Variants in ATP2B2 observed in about 807,000 individuals in gnomAD.
ATP2B2 encodes the protein ATPase plasma membrane Ca2+ transporting 2, also known as plasma membrane calcium-transporting ATPase 2.
Under a neutral mutation model 120.0 loss-of-function variants are expected in ATP2B2, and 15 were observed. The ratio of observed to expected loss-of-function variants is 0.12; its 90% CI spans 0.08 to 0.19. The LOEUF is 0.19. Ranked by LOEUF, ATP2B2 falls within the 10% of genes least tolerant of loss-of-function variation. The pLI, the probability that ATP2B2 is intolerant of heterozygous loss-of-function variation, is 1.00. For synonymous variants in ATP2B2, 694 were observed against 700.3 expected, an observed-to-expected ratio of 0.99 and a Z score of 0.14; for missense variants, 1,045 against 1,719.8, an observed-to-expected ratio of 0.61 and a Z score of 6.94.
At chr3:10,580,643 C>T (rs2068368411) in intron 2 of ATP2B2, among the ~76,000 whole-genome samples, 1 of 152,154 alleles carries the variant, frequency 6.6e-6, no homozygotes, top group Admixed American at 6.5e-5. Context: ...CCTCCCCCTC[C>T]CTGTCTCCCT....
chr3:10,518,989 T>A (rs1445598029), intron 3 of ATP2B2, among the ~76,000 whole-genome samples: 1 of 152,228 alleles, frequency 6.6e-6, no homozygotes, highest in Non-Finnish European at 1.5e-5. Flanking sequence ...ATAACTAATG[T>A]TCATGGAACA....
intron 1 of ATP2B2, among the ~76,000 whole-genome samples, chr3:10,694,636 C>T (rs1295457785): frequency 6.6e-6 from 1 of 152,112 alleles, no homozygotes; most frequent in Non-Finnish European, 1.5e-5. Flanking sequence ...GTATATGGCA[C>T]CTATTTCTTC....
chr3:10,474,316 G>A (rs2065125518), intron 1 of ATP2B2, among the ~76,000 whole-genome samples: 1 of 152,182 alleles, frequency 6.6e-6, no homozygotes, highest in Non-Finnish European at 1.5e-5. Context: ...CTTGTGAGAC[G>A]TCCAAGTAGA....
chr3:10,552,017 T>A (rs1413466376), intron 2 of ATP2B2, among the ~76,000 whole-genome samples: 3 of 152,240 alleles, frequency 2.0e-5, no homozygotes, highest in African/African-American at 7.2e-5. Context: ...GGGCTTTCTG[T>A]AACACTGATT....
At chr3:10,697,098 C>T (rs1461527655) in intron 1 of ATP2B2, among the ~76,000 whole-genome samples, 1 of 152,172 alleles carries the variant, frequency 6.6e-6, no homozygotes, top group Non-Finnish European at 1.5e-5. Flanking sequence ...GATTCGATGC[C>T]AAAGACCATG....
intron 1 of ATP2B2, among the ~76,000 whole-genome samples, chr3:10,704,895 A>T (rs899349281): frequency 5.9e-5 from 9 of 152,206 alleles, no homozygotes; most frequent in Admixed American, 3.9e-4. Context: ...ATGCAATTTA[A>T]CACAAAGAAA....
At chr3:10,639,162 T>C (rs561810814) in intron 1 of ATP2B2, among the ~76,000 whole-genome samples, 2 of 152,202 alleles carry the variant, frequency 1.3e-5, no homozygotes, top group East Asian at 3.9e-4. Context: ...TTGGGCTTCA[T>C]CAAAATTTAA....
intron 2 of ATP2B2, among the ~76,000 whole-genome samples, chr3:10,578,661 G>A (rs2068312020): frequency 6.6e-6 from 1 of 152,016 alleles, no homozygotes; most frequent in African/African-American, 2.4e-5. Context: ...CAACCCAAAT[G>A]CCCACCCACA....
chr3:10,484,402 C>T (rs951636500), intron 1 of ATP2B2, among the ~76,000 whole-genome samples: 2 of 152,150 alleles, frequency 1.3e-5, no homozygotes, highest in Non-Finnish European at 2.9e-5. Flanking sequence ...GAGGGGTCTG[C>T]ATGCAGGTGA....
chr3:10,328,729 G>C lies in ATP2B2; in HGVS notation c.*85C>G. The C allele has an allele frequency of 7.1e-7, 1 of 1,399,226 alleles. No homozygotes were observed. Among genetic ancestry groups the C allele is most frequent in the Non-Finnish European group, 9.7e-7 (1 of 1,029,830 alleles). 86.7% of individuals were successfully genotyped at this position (1,399,226 alleles called of 1,614,324 possible). ...TTGTTGCTCGTTGCTGCTTGGGTGA[G>C]TTGGGTGCCTGGATGGATGGGTGCC... On this transcript the variant is annotated 3_prime_UTR_variant, in exon 23 of 23. Coordinates refer to ENST00000360273, the MANE Select transcript of ATP2B2 (RefSeq NM_001001331.4).
intron 11 of ATP2B2, 109 bp from the exon 12 acceptor site, chr3:10,372,160 G>C (rs2061262146): frequency 1.4e-6 from 2 of 1,477,302 alleles, no homozygotes; most frequent in Non-Finnish European, 1.9e-6. Context: ...AGCCACCACA[G>C]CCTGCCCCTT....
intron 3 of ATP2B2, among the ~76,000 whole-genome samples, chr3:10,517,136 T>G (rs996673866): frequency 2.0e-5 from 3 of 152,248 alleles, no homozygotes; most frequent in Non-Finnish European, 4.4e-5. Context: ...AGCCTTTTGA[T>G]TCACTGCCTC....
At chr3:10,572,313 G>A (rs553188747) in intron 2 of ATP2B2, among the ~76,000 whole-genome samples, 16 of 152,248 alleles carry the variant, frequency 1.1e-4, no homozygotes, top group Admixed American at 2.0e-4. Context: ...TACACAGGCC[G>A]AAAAACAGAC....
At chr3:10,404,980 G>C (rs532815055) in intron 3 of ATP2B2, among the ~76,000 whole-genome samples, 7 of 152,290 alleles carry the variant, frequency 4.6e-5, no homozygotes, top group African/African-American at 1.4e-4. Flanking sequence ...GCCCCCATTA[G>C]AGCAGTTACT....
intron 2 of ATP2B2, among the ~76,000 whole-genome samples, chr3:10,422,635 C>T (rs1456409809): frequency 2.0e-5 from 3 of 152,218 alleles, no homozygotes; most frequent in African/African-American, 7.2e-5. Flanking sequence ...TCTAGACGTG[C>T]ACATGCACAC....
In ATP2B2 at chr3:10,626,144, G is replaced by A. The variant is rs558050024; in HGVS notation, c.-459-6183C>T. The A allele has an allele frequency of 2.0e-5, 3 of 152,280 alleles. No homozygotes were observed. In the East Asian group the frequency reaches 5.8e-4, roughly 29 times the overall value. 9.4% of individuals were successfully genotyped at this position (152,280 alleles called of 1,614,324 possible). A position where few individuals can be genotyped will look rare whatever the true frequency, so the allele number is the denominator to read the frequency against. On this transcript the variant is annotated intron_variant, in intron 1 of 21. Transcript: ENST00000646379. ...GGAGGGAAAGAAACAACTGGAGTTT[G>A]GGAAACTCTCATCTAGTCCAACCTC...
chr3:10,358,781 G>A lies in ATP2B2; in HGVS notation c.2046C>T (p.Ser682=), dbSNP rs1274891622. 1 of 1,614,128 alleles carries A rather than the reference G, an allele frequency of 6.2e-7. No homozygotes were observed. The highest frequency in any genetic ancestry group is 1.3e-5 in the African/African-American group (1 of 74,946). The change falls in exon 14 of 23, where the codon AGC becomes AGT. Residue 682 remains serine (S), a synonymous_variant. Transcript: ENST00000360273. ...ICVAYRDFPS[S]PEPDWDNEND... ...TCTCATTGTCCCAGTCCGGCTCCGG[G>A]CTGCTGGGGAAGTCGCGGTAGGCCA... is the stretch of plus-strand genomic sequence containing the variant.
At chr3:10,486,176 A>G (rs2065645486) in intron 1 of ATP2B2, among the ~76,000 whole-genome samples, 1 of 152,120 alleles carries the variant, frequency 6.6e-6, no homozygotes, top group African/African-American at 2.4e-5. Flanking sequence ...ATTTGGTCAA[A>G]CTAACCTTGC....
chr3:10,336,254 G>A lies in ATP2B2; in HGVS notation c.3420+1922C>T, dbSNP rs773414393. 2.6e-6 allele frequency: 4 copies of A among 1,550,566 alleles called. No individual in the cohort carries two copies. The South Asian group carries it at 3.6e-5, about 14-fold the overall frequency. ...GGTGACCGAGGACTGTCTCCGCAGG[G>A]CCCCCTGAAAGGAGGCCCCGCTCTT... On this transcript the variant is annotated intron_variant, in intron 22 of 22. Coordinates refer to ENST00000360273, the MANE Select transcript of ATP2B2 (RefSeq NM_001001331.4).
Sources: allele counts gnomAD v4.1 joint callset (sites outside exome capture counted in the v4.1 genomes callset), GRCh38; gene constraint gnomAD v4.1.1; transcripts MANE v1.5; gene names NCBI Gene and HGNC (gene_info 2026-07-23, HGNC 2026-07-21).